The following SMG5 variants were observed in gnomAD, a reference collection of about 807,000 sequenced individuals.
SMG5 encodes SMG5 nonsense mediated mRNA decay factor, also known as nonsense-mediated mRNA decay factor SMG5.
In SMG5, 53 loss-of-function variants were observed where a neutral mutation model predicts 122.9. That is an observed-to-expected ratio of 0.43 (90% CI 0.35 to 0.54). The LOEUF (loss-of-function observed/expected upper bound fraction) is 0.54, where lower values mean the gene tolerates loss of function less well. Ranked by LOEUF, SMG5 falls within the 20% of genes least tolerant of loss-of-function variation. SMG5 has a pLI of 0.01. For synonymous variants in SMG5, 477 were observed against 490.2 expected (o/e 0.97, Z 0.35); for missense variants, 1,153 against 1,285.6 (o/e 0.90, Z 1.58).
chr1:156,284,740 G>T (rs1283860121), upstream of SMG5, among the ~76,000 whole-genome samples: 1 of 152,208 alleles, frequency 6.6e-6, no homozygotes, highest in Non-Finnish European at 1.5e-5. Flanking sequence ...AAGCAGGGAT[G>T]TGTAGGGATG....
the SMG5 span, chr1:156,291,402 C>T: frequency 8.7e-6 from 14 of 1,614,140 alleles, no homozygotes; most frequent in East Asian, 3.1e-4. Flanking sequence ...TACTGGCTGA[C>T]CTTTGCCGTG....
At chr1:156,285,309 C>T, upstream of SMG5, 9 of 1,576,408 alleles carry the variant, frequency 5.7e-6, no homozygotes, top group Non-Finnish European at 7.7e-6. Flanking sequence ...GCCTTGGTTC[C>T]CAATGGCCGG....
intron 15 of SMG5, 59 bp downstream of exon 15, chr1:156,260,392 C>A: frequency 6.4e-7 from 1 of 1,566,704 alleles, no homozygotes; most frequent in South Asian, 1.2e-5. Context: ...GATCTGAACC[C>A]ATTTGCTGCT....
chr1:156,275,521 G>C (rs1662642581), intron 4 of SMG5, among the ~76,000 whole-genome samples: 2 of 152,344 alleles, frequency 1.3e-5, no homozygotes, highest in South Asian at 2.1e-4. Flanking sequence ...TAGTCACACA[G>C]CTGCTAAGCA....
chr1:156,283,160 C>G (rs974985351), upstream of SMG5: 2 of 266,082 alleles, frequency 7.5e-6, no homozygotes, highest in Non-Finnish European at 1.4e-5. Context: ...TGAGCCAAGC[C>G]TCTTTCAGAT....
In SMG5 at chr1:156,266,377, T is replaced by C. The variant is rs1444403440; in HGVS notation, c.1259A>G (p.Glu420Gly). 1.7e-5 allele frequency: 27 copies of C among 1,610,304 alleles called. No homozygotes were observed. The Admixed American group carries it at 4.5e-4, about 27-fold the overall frequency. ...CTCCACAGGTTCCTTGGACTCTGGT[T>C]CATCTGCGGAAAGAGGAAGGTCAGG... ...VPAFQSDGTD[E>G]PESKEPVEKE... The change falls in exon 12 of 22, where the codon GAA (glutamate) becomes GGA (glycine). Residue 420 changes from glutamate (E) to glycine (G), a missense_variant. Coordinates refer to ENST00000361813, the MANE Select transcript of SMG5 (RefSeq NM_015327.3).
chr1:156,263,575 G>T lies in SMG5; in HGVS notation c.1856-5C>A, dbSNP rs193232337. 2.9e-4 allele frequency: 460 copies of T among 1,611,166 alleles called. 4 individuals carry two copies. The East Asian group carries it at 9.5e-3, about 33-fold the overall frequency. On this transcript the variant is annotated splice_polypyrimidine_tract_variant and splice_region_variant and intron_variant, in intron 12 of 21. Coordinates refer to ENST00000361813, the MANE Select transcript of SMG5 (RefSeq NM_015327.3). ...ACTCAGAGCCCTCCTCAGAGGCTGG[G>T]GGGTGGGTGAATGGAAGAGAAAAAA...
intron 8 of SMG5, 48 bp from the exon 9 acceptor site, chr1:156,268,231 C>G: frequency 2.5e-6 from 4 of 1,614,078 alleles, no homozygotes; most frequent in Non-Finnish European, 3.4e-6. Flanking sequence ...CCCGCAGTCC[C>G]TATGGTCCTA....
Position 156,265,776 on chromosome 1 carries a change from A to C in SMG5, c.1855+5T>G, listed in dbSNP as rs746579193. ...CAGAACAGGATGATGAAGTGGTCCAAATACCTGGCTCTGAAGGCTTGTCTA... is the reference window on the plus strand; with the variant it reads ...CAGAACAGGATGATGAAGTGGTCCACATACCTGGCTCTGAAGGCTTGTCTA... On this transcript the variant is annotated splice_donor_5th_base_variant and intron_variant, in intron 12 of 21. Transcript: ENST00000361813. 1 of 1,612,072 alleles carries C rather than the reference A, an allele frequency of 6.2e-7. No homozygotes were observed. Among genetic ancestry groups the C allele is most frequent in the East Asian group, 2.2e-5 (1 of 44,854 alleles).
upstream of SMG5, chr1:156,285,699 C>A (rs1361678895): frequency 8.1e-6 from 13 of 1,613,420 alleles, no homozygotes; most frequent in Non-Finnish European, 1.1e-5. Context: ...GAGTGCCGAA[C>A]CTTCATGCCC....
Position 156,277,080 on chromosome 1 carries a change from C to T in SMG5, c.454+5G>A. 6.2e-7 allele frequency: 1 copy of T among 1,611,718 alleles called. No individual in the cohort carries two copies. The highest frequency in any genetic ancestry group is 8.5e-7 in the Non-Finnish European group (1 of 1,178,790). The stretch of plus-strand genomic sequence containing the variant: ...GCTCAAGTCCACCTTTCAGGTTCCA[C>T]TGACCTATGAGGGGGTCAGTGACAT... On this transcript the variant is annotated splice_donor_5th_base_variant and intron_variant, in intron 4 of 21. Transcript: ENST00000361813.
Position 156,272,810 on chromosome 1 carries a change from C to A in SMG5, c.635-412G>T, listed in dbSNP as rs139998209. On this transcript the variant is annotated intron_variant, in intron 6 of 21. Transcript: ENST00000361813. The stretch of plus-strand genomic sequence containing the variant: ...CAATCTCCTGACGTCGTGATCTGCC[C>A]GCCTCAGCCTCCCAAAGTGCTGGGA... Among the ~76,000 whole-genome samples the A allele has an allele frequency of 7.3e-4, 111 of 152,108 alleles. 1 individual carries two copies. The East Asian group carries it at 0.02, about 27-fold the overall frequency.
At chr1:156,274,030 C>T (rs12128955) in intron 5 of SMG5, among the ~76,000 whole-genome samples, 69,130 of 152,010 alleles carry the variant, frequency 0.45, 16,554 homozygotes, top group Admixed American at 0.59. Context: ...TCTGCACACA[C>T]TGCTCATGAG....
intron 1 of SMG5, among the ~76,000 whole-genome samples, chr1:156,281,561 G>A (rs897803109): frequency 6.6e-6 from 1 of 152,206 alleles, no homozygotes. Flanking sequence ...CAAAGCCAGA[G>A]AAGGCAGGAT....
intron 1 of SMG5, among the ~76,000 whole-genome samples, chr1:156,282,073 C>A (rs1322858253): frequency 6.6e-6 from 1 of 152,150 alleles, no homozygotes; most frequent in Non-Finnish European, 1.5e-5. Context: ...ATTCGGACTC[C>A]TCAAAATTAG....
At chr1:156,290,088 CTA>C in the SMG5 span, 5 of 152,014 alleles carry the variant, frequency 3.3e-5, no homozygotes, top group Admixed American at 6.6e-5. Context: ...CACACTGCAG[CTA>C]TAAAAGAATG....
chr1:156,266,248 C>T lies in SMG5; in HGVS notation c.1388G>A (p.Arg463His), dbSNP rs199931814. The T allele has an allele frequency of 3.2e-5, 51 of 1,614,062 alleles. No individual in the cohort carries two copies. The highest frequency in any genetic ancestry group is 2.0e-4 in the East Asian group (9 of 44,892). The change falls in exon 12 of 22, where the codon CGC becomes CAC. Residue 463 changes from arginine to histidine, a missense_variant. Physicochemically the swap from Arg to His is conservative, Grantham distance 29 (BLOSUM62 0). Coordinates refer to ENST00000361813, the MANE Select transcript of SMG5 (RefSeq NM_015327.3). Reference sequence around the variant, plus strand: ...GTCATCACCAACTTTGGGTGGGTGGCGGCGACGGCGGAGACAGGAGAGGCG... The same window carrying T: ...GTCATCACCAACTTTGGGTGGGTGGTGGCGACGGCGGAGACAGGAGAGGCG... ...FSRLSCLRRR[R>H]HPPKVGDDSD...
At position 156,250,459 on chromosome 1, in the gene SMG5, C is replaced by G. The variant is rs1372560218; in HGVS notation, c.*128G>C. The G allele has an allele frequency of 8.4e-6, 7 of 830,356 alleles. No homozygotes were observed. Among genetic ancestry groups the G allele is most frequent in the Admixed American group, 2.0e-5 (1 of 49,254 alleles). 51.4% of individuals were successfully genotyped at this position (830,356 alleles called of 1,614,324 possible). A position where few individuals can be genotyped will look rare whatever the true frequency, so the allele number is the denominator to read the frequency against. ...GGCCCTCCCTGCAGCCTCTGAGCAG[C>G]TAGGCCTCCCTCCTGTGTGCGTGCA... On this transcript the variant is annotated 3_prime_UTR_variant, in exon 22 of 22. Transcript: ENST00000361813.
At chr1:156,264,267 CAAAAAAAAAAA>C (rs1205363773) in intron 12 of SMG5, among the ~76,000 whole-genome samples, 24 of 53,980 alleles carry the variant, frequency 4.4e-4, no homozygotes, top group South Asian at 2.2e-3. Context: ...GACTCCGTCT[CAAAAAAAAAAA>C]AAAAAAAAAA....
Sources: gnomAD v4.1 joint callset for allele counts (sites outside exome capture counted in the v4.1 genomes callset) on GRCh38, gnomAD v4.1.1 for gene constraint, MANE v1.5 for transcripts, NCBI Gene and HGNC (gene_info 2026-07-23, HGNC 2026-07-21) for gene names.